LPIN1: variants seen among roughly 807,000 people sequenced by gnomAD.
LPIN1 encodes the protein phosphatidate phosphatase LPIN1.
In LPIN1, 71 loss-of-function variants were observed where a neutral mutation model predicts 107.5. The observed-to-expected ratio is 0.66, with a 90% CI of 0.55 to 0.80. The LOEUF (loss-of-function observed/expected upper bound fraction) is 0.80, where lower values mean the gene tolerates loss of function less well. Among genes scored for constraint, LPIN1 ranks in the 30% least tolerant of loss-of-function variants. The pLI is 0.00. For synonymous variants in LPIN1, 445 were observed against 452.6 expected, an observed-to-expected ratio of 0.98 and a Z score of 0.21; for missense variants, 1,043 against 1,160.6, an observed-to-expected ratio of 0.90 and a Z score of 1.47.
At chr2:11,792,616 C>T (rs953566295) in intron 13 of LPIN1, among the ~76,000 whole-genome samples, 1 of 152,060 alleles carries the variant, frequency 6.6e-6, no homozygotes, top group Non-Finnish European at 1.5e-5. Context: ...CTCCTGGGCT[C>T]AAGCGATCTG....
At chr2:11,811,524 G>C (rs1679647906) in intron 17 of LPIN1, among the ~76,000 whole-genome samples, 1 of 152,214 alleles carries the variant, frequency 6.6e-6, no homozygotes, top group African/African-American at 2.4e-5. Context: ...CAGTGGCATG[G>C]CCCAACTGTG....
At position 11,773,691 on chromosome 2, in the gene LPIN1, A is replaced by G. The variant is rs1205792519; in HGVS notation, c.668A>G (p.Tyr223Cys). Residue 223 changes from tyrosine to cysteine, a missense_variant, in exon 5 of 21, where the codon TAC becomes TGC. Tyr to Cys is a radical substitution (Grantham distance 194). Coordinates refer to ENST00000674199, the MANE Select transcript of LPIN1 (RefSeq NM_001349206.2). ...GAAAACCTCTCCCTGGCTGTGATTT[A>G]CCCTCAGTCAGCCTCATACCCTAAT... Reference protein sequence around the residue: ...PEENLSLAVIYPQSASYPNSD... With the variant: ...PEENLSLAVICPQSASYPNSD... The G allele has an allele frequency of 3.7e-6, 6 of 1,613,292 alleles. No individual in the cohort carries two copies. The highest frequency in any genetic ancestry group is 2.2e-5 in the East Asian group (1 of 44,866).
Position 11,679,627 on chromosome 2 carries a change from C to T in LPIN1, c.81+1899C>T, listed in dbSNP as rs550188911. The stretch of plus-strand genomic sequence containing the variant: ...ACAACCTTCCTGTGTGTTTGATAAA[C>T]GCTTGTTGACAGATGGACGGGATAC... On this transcript the variant is annotated intron_variant, in intron 1 of 21. Coordinates refer to the LPIN1 transcript ENST00000449576. Among the ~76,000 whole-genome samples the T allele has an allele frequency of 3.1e-4, 47 of 152,316 alleles. No homozygotes were observed. The South Asian group carries it at 8.7e-3, about 28-fold the overall frequency.
At position 11,739,390 on chromosome 2, in the gene LPIN1, ATAAATACC is replaced by A. The variant is rs1666113793; in HGVS notation, c.-71-1957_-71-1950del. 3.9e-5 allele frequency among the ~76,000 whole-genome samples: 6 copies of A among 152,340 alleles called. No individual in the cohort carries two copies. In the South Asian group the frequency reaches 1.2e-3, roughly 32 times the overall value. ...TTCCTGACACAAGAAACTGCAGGGA[ATAAATACC>A]TGTTGATTCAAGCTGCTAAGTTTTG... On this transcript the variant is annotated intron_variant, in intron 1 of 21. Coordinates refer to the LPIN1 transcript ENST00000396097.
chr2:11,744,432 T>G (rs548201576), upstream of LPIN1, among the ~76,000 whole-genome samples: 23 of 152,326 alleles, frequency 1.5e-4, no homozygotes, highest in African/African-American at 5.5e-4. Context: ...TGCTTGTTTA[T>G]ACAAAAGGCT....
chr2:11,698,527 C>T lies in LPIN1; in HGVS notation c.82-15229C>T, dbSNP rs181809554. On this transcript the variant is annotated intron_variant, in intron 1 of 21. Transcript: ENST00000449576. Reference sequence around the variant, plus strand: ...CTATTTCTGCAGAAGAACCCACTCACGTGTGAGCTGGTGGATCAGGCCCAG... The same window carrying T: ...CTATTTCTGCAGAAGAACCCACTCATGTGTGAGCTGGTGGATCAGGCCCAG... Among the ~76,000 whole-genome samples, 179 of 152,336 alleles carry T rather than the reference C, an allele frequency of 1.2e-3. 1 individual carries two copies. Among genetic ancestry groups the T allele is most frequent in the African/African-American group, 4.0e-3 (166 of 41,576 alleles).
chr2:11,791,407 C>G (rs970075394), intron 12 of LPIN1, among the ~76,000 whole-genome samples: 1 of 152,100 alleles, frequency 6.6e-6, no homozygotes, highest in Non-Finnish European at 1.5e-5. Flanking sequence ...TTTTAATACT[C>G]GAGATTTTAA....
At position 11,797,315 on chromosome 2, in the gene LPIN1, C is replaced by T. The variant is rs557142809; in HGVS notation, c.1886+1828C>T. On this transcript the variant is annotated intron_variant, in intron 14 of 20. Coordinates refer to ENST00000674199, the MANE Select transcript of LPIN1 (RefSeq NM_001349206.2). Reference sequence around the variant, plus strand: ...TAAGAATAACACCGATGCGGTAGACCCCGTCTCACTGGGTCTTCGAGGCAA... The same window carrying T: ...TAAGAATAACACCGATGCGGTAGACTCCGTCTCACTGGGTCTTCGAGGCAA... Among the ~76,000 whole-genome samples the T allele has an allele frequency of 2.0e-5, 3 of 152,292 alleles. No homozygotes were observed. The East Asian group carries it at 5.8e-4, about 29-fold the overall frequency.
intron 1 of LPIN1, among the ~76,000 whole-genome samples, chr2:11,731,265 C>G (rs879957052): frequency 2.7e-5 from 4 of 150,834 alleles, no homozygotes; most frequent in Admixed American, 6.6e-5. Flanking sequence ...GTGTGTTGTT[C>G]CCCTCCCTGT....
At chr2:11,816,081 T>TTGC (rs1680528155) in intron 18 of LPIN1, 1 of 152,256 alleles carries the variant, frequency 6.6e-6, no homozygotes, top group Non-Finnish European at 1.5e-5. Context: ...GATGAACTGT[T>TTGC]TGCTGCTGCT....
chr2:11,790,985 TA>T lies in LPIN1; in HGVS notation c.1714-921del, dbSNP rs1035290028. 7.2e-5 allele frequency among the ~76,000 whole-genome samples: 11 copies of T among 152,134 alleles called. No homozygotes were observed. In the South Asian group the frequency reaches 2.1e-3, roughly 29 times the overall value. ...CTTTCTTTGGCCTGCTTTCTTTTTT[TA>T]AAAAAAATGTGGTTTTGTTACATTT... On this transcript the variant is annotated intron_variant, in intron 12 of 20. Coordinates refer to ENST00000674199, the MANE Select transcript of LPIN1 (RefSeq NM_001349206.2).
At chr2:11,693,847 T>G (rs1662436770) in intron 1 of LPIN1, among the ~76,000 whole-genome samples, 2 of 115,526 alleles carry the variant, frequency 1.7e-5, no homozygotes, top group South Asian at 6.0e-4. Flanking sequence ...TTTTTTTTTT[T>G]TTTTTGAGAT....
At chr2:11,698,048 G>A (rs531460661) in intron 1 of LPIN1, among the ~76,000 whole-genome samples, 14 of 152,262 alleles carry the variant, frequency 9.2e-5, no homozygotes, top group African/African-American at 2.4e-4. Context: ...TCTGTCAAGC[G>A]ATGGGCCCAT....
At chr2:11,695,917 G>A (rs1662549277) in intron 1 of LPIN1, among the ~76,000 whole-genome samples, 1 of 151,986 alleles carries the variant, frequency 6.6e-6, no homozygotes, top group South Asian at 2.1e-4. Context: ...CTATAAATGT[G>A]GTCTGAGTTT....
At chr2:11,817,143 C>T (rs575585877) in intron 18 of LPIN1, 2 of 152,284 alleles carry the variant, frequency 1.3e-5, no homozygotes, top group African/African-American at 4.8e-5. Context: ...ATATGTGCCA[C>T]ATTTTCCTTA....
chr2:11,764,230 T>TC (rs1159535743), intron 1 of LPIN1: 1 of 151,964 alleles, frequency 6.6e-6, no homozygotes, highest in Non-Finnish European at 1.5e-5. Flanking sequence ...CACTGCAGCC[T>TC]CCACCTCCTG....
rs1671799153 is a variant in LPIN1, at chr2:11,771,309, A to G, written c.289-63A>G. On this transcript the variant is annotated intron_variant, in intron 3 of 20. Coordinates refer to ENST00000674199, the MANE Select transcript of LPIN1 (RefSeq NM_001349206.2). This position sits in a 1 kb window ranked among gnomAD's most constrained non-coding sequence, Gnocchi z 4.8. ...GAAGTGAATCCTGGAGGCCTCTGGCAAGGCCCTGCTTCTTATACCTGAATT... is the reference window on the plus strand; with the variant it reads ...GAAGTGAATCCTGGAGGCCTCTGGCGAGGCCCTGCTTCTTATACCTGAATT... 6.5e-7 allele frequency: 1 copy of G among 1,547,950 alleles called. No homozygotes were observed. Among genetic ancestry groups the G allele is most frequent in the Admixed American group, 1.7e-5 (1 of 59,760 alleles).
chr2:11,695,123 G>A (rs1662505474), intron 1 of LPIN1, among the ~76,000 whole-genome samples: 1 of 152,220 alleles, frequency 6.6e-6, no homozygotes, highest in African/African-American at 2.4e-5. Context: ...TGGGAACTTG[G>A]AGTACTTTGG....
intron 20 of LPIN1, among the ~76,000 whole-genome samples, chr2:11,821,440 T>C (rs144256007): frequency 0.013 from 1,928 of 152,176 alleles, 51 homozygotes; most frequent in African/African-American, 0.044. Flanking sequence ...TCACTTGAAC[T>C]CGGGAGGCAG....
Sources: allele counts gnomAD v4.1 joint callset (sites outside exome capture counted in the v4.1 genomes callset), GRCh38; gene constraint gnomAD v4.1.1; non-coding constraint Gnocchi (gnomAD v3.1); transcripts MANE v1.5; gene names NCBI Gene and HGNC (gene_info 2026-07-23, HGNC 2026-07-21).